The following STK3 variants were observed in gnomAD, a reference collection of about 807,000 sequenced individuals.
STK3 encodes serine/threonine-protein kinase 3.
In STK3, 41 loss-of-function variants were observed where a neutral mutation model predicts 58.0. The ratio of observed to expected loss-of-function variants is 0.71; its 90% CI spans 0.55 to 0.92. STK3 has a LOEUF of 0.92. Among genes scored for constraint, STK3 ranks in the 40% least tolerant of loss-of-function variants. The pLI, the probability that STK3 is intolerant of heterozygous loss-of-function variation, is 0.00. For missense variants in STK3, 479 were observed against 602.7 expected (o/e 0.79, Z 2.15); for synonymous variants, 170 against 191.0 (o/e 0.89, Z 0.91).
intron 3 of STK3, among the ~76,000 whole-genome samples, chr8:98,423,835 G>T (rs1220536317): frequency 1.3e-5 from 2 of 152,212 alleles, no homozygotes; most frequent in African/African-American, 4.8e-5. Flanking sequence ...ATCATCATTG[G>T]CAGTGAAGGC....
chr8:98,751,188 C>A (rs1216892798), intron 3 of STK3, among the ~76,000 whole-genome samples: 1 of 152,122 alleles, frequency 6.6e-6, no homozygotes, highest in Admixed American at 6.5e-5. Context: ...CCTTGAAAAG[C>A]GGCATTAAGA....
At chr8:98,893,683 G>C (rs1252045494) in intron 1 of STK3, among the ~76,000 whole-genome samples, 1 of 151,912 alleles carries the variant, frequency 6.6e-6, no homozygotes, top group Non-Finnish European at 1.5e-5. Flanking sequence ...CATCCCCAAG[G>C]TTACCACCAA....
intron 4 of STK3, among the ~76,000 whole-genome samples, chr8:98,725,951 A>G (rs1420995320): frequency 6.6e-6 from 1 of 152,192 alleles, no homozygotes; most frequent in Non-Finnish European, 1.5e-5. Flanking sequence ...CACAGAGCTA[A>G]TAAGTAACAA....
In STK3 at chr8:98,546,156, T is replaced by C. The variant is rs76205021; in HGVS notation, c.1141+1813A>G. ...TTATCTGTTCAACTTCAAAATTGGT[T>C]TTCACTAAAATCTCTGTGACAAAAA... On this transcript the variant is annotated intron_variant, in intron 9 of 10. Transcript: ENST00000419617. 2.2e-3 allele frequency among the ~76,000 whole-genome samples: 329 copies of C among 152,282 alleles called. 2 individuals carry two copies. Among genetic ancestry groups the C allele is most frequent in the Non-Finnish European group, 2.8e-3 (189 of 68,018 alleles).
chr8:98,813,878 A>T (rs1834375670), intron 1 of STK3, among the ~76,000 whole-genome samples: 1 of 152,216 alleles, frequency 6.6e-6, no homozygotes, highest in South Asian at 2.1e-4. Flanking sequence ...TATTAAAATA[A>T]ATTTGAAAAT....
chr8:98,818,407 T>C (rs1010290186), intron 1 of STK3, among the ~76,000 whole-genome samples: 11 of 152,342 alleles, frequency 7.2e-5, no homozygotes, highest in Admixed American at 7.2e-4. Context: ...AATTTTGCCA[T>C]GAGTAGTGAT....
intron 6 of STK3, among the ~76,000 whole-genome samples, chr8:98,704,694 T>A (rs932745859): frequency 5.0e-4 from 76 of 152,258 alleles, no homozygotes; most frequent in African/African-American, 1.4e-3. Context: ...AACTCTCAGG[T>A]AATATTAGAA....
intron 1 of STK3, among the ~76,000 whole-genome samples, chr8:98,813,905 G>T (rs552731132): frequency 6.6e-6 from 1 of 152,230 alleles, no homozygotes; most frequent in African/African-American, 2.4e-5. Flanking sequence ...ACATATTCAT[G>T]TTCTAGTAAA....
intron 6 of STK3, among the ~76,000 whole-genome samples, chr8:98,665,431 C>G (rs1322185428): frequency 6.6e-6 from 1 of 152,158 alleles, no homozygotes; most frequent in African/African-American, 2.4e-5. Flanking sequence ...GGGTCTTGCC[C>G]TGCTGCCTAG....
At chr8:98,798,428 G>A (rs1833317006) in intron 1 of STK3, among the ~76,000 whole-genome samples, 1 of 152,074 alleles carries the variant, frequency 6.6e-6, no homozygotes, top group African/African-American at 2.4e-5. Context: ...TCATCATAAA[G>A]GTAATGTTTT....
chr8:98,696,993 CT>C (rs1017653454), intron 6 of STK3, among the ~76,000 whole-genome samples: 1 of 152,042 alleles, frequency 6.6e-6, no homozygotes, highest in Non-Finnish European at 1.5e-5. Context: ...GTCCTGGACT[CT>C]TTTTGGTTGG....
At chr8:98,422,561 T>C (rs1818185573) in intron 3 of STK3, among the ~76,000 whole-genome samples, 1 of 152,214 alleles carries the variant, frequency 6.6e-6, no homozygotes, top group Non-Finnish European at 1.5e-5. Context: ...TGACAGATCC[T>C]AATCTCAAAT....
chr8:98,907,312 G>A (rs1034861696), intron 1 of STK3, among the ~76,000 whole-genome samples: 1 of 152,018 alleles, frequency 6.6e-6, no homozygotes, highest in South Asian at 2.1e-4. Flanking sequence ...AGGAGATCGA[G>A]ACCATCCTAG....
chr8:98,421,998 T>C (rs1293337032), intron 3 of STK3, among the ~76,000 whole-genome samples: 1 of 151,900 alleles, frequency 6.6e-6, no homozygotes. Flanking sequence ...TCTGGGCCCC[T>C]TTTCATTAAA....
intron 4 of STK3, among the ~76,000 whole-genome samples, chr8:98,739,141 G>A (rs575515617): frequency 1.3e-5 from 2 of 152,378 alleles, no homozygotes; most frequent in South Asian, 2.1e-4. Context: ...GCCTGCCTCT[G>A]TAGGCTCCAC....
chr8:98,665,743 G>A (rs1276149112), intron 6 of STK3, among the ~76,000 whole-genome samples: 58 of 143,818 alleles, frequency 4.0e-4, no homozygotes, highest in Admixed American at 3.2e-3. Context: ...TTGCTCTGTC[G>A]CCCAGGCTGG....
chr8:98,827,575 C>T (rs1270192269), upstream of STK3, among the ~76,000 whole-genome samples: 1 of 152,142 alleles, frequency 6.6e-6, no homozygotes. Flanking sequence ...TATTTTCAAA[C>T]CATTATATTC....
At chr8:98,562,129 C>T (rs960911115) in intron 8 of STK3, among the ~76,000 whole-genome samples, 1 of 152,068 alleles carries the variant, frequency 6.6e-6, no homozygotes, top group Non-Finnish European at 1.5e-5. Flanking sequence ...CTGAACATAC[C>T]ATAAGATCCA....
chr8:98,871,134 G>T (rs1837361263), intron 3 of STK3, among the ~76,000 whole-genome samples: 1 of 152,148 alleles, frequency 6.6e-6, no homozygotes, highest in Non-Finnish European at 1.5e-5. Context: ...TGTCATGTTT[G>T]TCAAAGATCA....
Sources: gnomAD v4.1 joint callset for allele counts (sites outside exome capture counted in the v4.1 genomes callset) on GRCh38, gnomAD v4.1.1 for gene constraint, MANE v1.5 for transcripts, NCBI Gene and HGNC (gene_info 2026-07-23, HGNC 2026-07-21) for gene names.